ADAM32: variants seen among roughly 807,000 people sequenced by gnomAD.
The protein encoded by ADAM32 is disintegrin and metalloproteinase domain-containing protein 32.
ADAM32 carries 89 observed loss-of-function variants against 114.9 expected under a neutral mutation model. That is an observed-to-expected ratio of 0.77 (90% CI 0.65 to 0.92). The LOEUF is 0.92. ADAM32 is among the 40% of genes least tolerant of loss of function. ADAM32 has a pLI of 0.00. For missense variants in ADAM32, 870 were observed against 932.8 expected (o/e 0.93, Z 0.88); for synonymous variants, 285 against 307.5 (o/e 0.93, Z 0.77).
At chr8:39,220,173 CT>C (rs1263060338) in intron 12 of ADAM32, among the ~76,000 whole-genome samples, 3 of 152,112 alleles carry the variant, frequency 2.0e-5, no homozygotes, top group Non-Finnish European at 2.9e-5. Flanking sequence ...TTGAATTGAA[CT>C]CTTTATCATT....
At chr8:39,129,304 T>G (rs1325463287) in intron 2 of ADAM32, among the ~76,000 whole-genome samples, 1 of 152,184 alleles carries the variant, frequency 6.6e-6, no homozygotes, top group East Asian at 1.9e-4. Context: ...GAGAAAGTAC[T>G]CAGTCTTTTA....
chr8:39,250,575 C>A (rs1350228270), intron 17 of ADAM32, among the ~76,000 whole-genome samples: 1 of 151,512 alleles, frequency 6.6e-6, no homozygotes, highest in Non-Finnish European at 1.5e-5. Context: ...AATAGTTGTA[C>A]CTGTTGTGGG....
intron 19 of ADAM32, 106 bp from the exon 20 acceptor site, chr8:39,270,770 T>C (rs1461789419): frequency 1.2e-6 from 1 of 817,512 alleles, no homozygotes; most frequent in Middle Eastern, 2.3e-4. Flanking sequence ...TTTTAATAAT[T>C]AGTCTTATAA....
intron 12 of ADAM32, among the ~76,000 whole-genome samples, chr8:39,216,013 T>C (rs1042340380): frequency 2.4e-4 from 36 of 152,082 alleles, no homozygotes; most frequent in African/African-American, 7.7e-4. Flanking sequence ...AGTCTCCAGC[T>C]GTTATTGTAT....
chr8:39,203,786 T>C (rs1478038745), intron 11 of ADAM32, among the ~76,000 whole-genome samples: 3 of 152,222 alleles, frequency 2.0e-5, no homozygotes, highest in African/African-American at 4.8e-5. Context: ...TTCCTTTCCA[T>C]GTTTAGTGCT....
intron 17 of ADAM32, among the ~76,000 whole-genome samples, chr8:39,251,494 G>T (rs1811305815): frequency 6.6e-6 from 1 of 151,522 alleles, no homozygotes; most frequent in African/African-American, 2.4e-5. Context: ...ATACCTGTTG[G>T]CCATTTGTTT....
intron 11 of ADAM32, among the ~76,000 whole-genome samples, chr8:39,190,615 G>A (rs73606731): frequency 2.7e-3 from 411 of 152,200 alleles, no homozygotes; most frequent in African/African-American, 9.4e-3. Context: ...ATCTCATGGC[G>A]GTGTTGATTT....
At position 39,186,904 on chromosome 8, in the gene ADAM32, T is replaced by A. The variant is rs1400886758; in HGVS notation, c.916-5T>A. 1.3e-6 allele frequency: 2 copies of A among 1,582,798 alleles called. No individual in the cohort carries two copies. The highest frequency in any genetic ancestry group is 1.7e-6 in the Non-Finnish European group (2 of 1,167,830). On this transcript the variant is annotated splice_region_variant and splice_polypyrimidine_tract_variant and intron_variant, in intron 10 of 24. Transcript: ENST00000379907. The stretch of plus-strand genomic sequence containing the variant: ...TCCTTAGAATTTTCTTTGTTGTTAT[T>A]ATAGTACCCCAAGGAGATAACTCTG...
intron 19 of ADAM32, among the ~76,000 whole-genome samples, chr8:39,268,810 A>T (rs1235909794): frequency 1.3e-5 from 2 of 152,220 alleles, no homozygotes; most frequent in South Asian, 2.1e-4. Context: ...AAAATTTTTA[A>T]TTATTCTTAC....
chr8:39,256,284 T>TCAA (rs1349930422), intron 18 of ADAM32, among the ~76,000 whole-genome samples: 1 of 152,036 alleles, frequency 6.6e-6, no homozygotes, highest in Non-Finnish European at 1.5e-5. Context: ...CAACCTCTCT[T>TCAA]CCTCAGCTTT....
At position 39,126,849 on chromosome 8, in the gene ADAM32, A is replaced by G. The variant is rs187444637; in HGVS notation, c.138+8684A>G. ...TTATTTTGAGGTATGTTCTTTCAATACCTAGTTTACTGAGGGTTTTTAACA... is the reference window on the plus strand; with the variant it reads ...TTATTTTGAGGTATGTTCTTTCAATGCCTAGTTTACTGAGGGTTTTTAACA... On this transcript the variant is annotated intron_variant, in intron 2 of 24. Transcript: ENST00000379907. Among the ~76,000 whole-genome samples, 11 of 152,240 alleles carry G rather than the reference A, an allele frequency of 7.2e-5. No individual in the cohort carries two copies. The East Asian group carries it at 2.1e-3, about 29-fold the overall frequency.
Position 39,164,932 on chromosome 8 carries a change from A to G in ADAM32, c.666+97A>G, listed in dbSNP as rs897180762. On this transcript the variant is annotated intron_variant, in intron 8 of 24. Transcript: ENST00000379907. ...ATTCCTGGATAATTAACCCACCCAT[A>G]TAAACTGAGTGTGGGATTGTAAAAA... 5.3e-6 allele frequency: 8 copies of G among 1,498,466 alleles called. No individual in the cohort carries two copies. The East Asian group carries it at 1.4e-4, about 26-fold the overall frequency. 92.8% of individuals were successfully genotyped at this position (1,498,466 alleles called of 1,614,324 possible). A position where few individuals can be genotyped will look rare whatever the true frequency, so the allele number is the denominator to read the frequency against.
At chr8:39,198,289 C>T (rs1036121841) in intron 11 of ADAM32, among the ~76,000 whole-genome samples, 1 of 151,952 alleles carries the variant, frequency 6.6e-6, no homozygotes, top group African/African-American at 2.4e-5. Flanking sequence ...AAATTTAAGC[C>T]ATTTACATTT....
At position 39,274,359 on chromosome 8, in the gene ADAM32, G is replaced by T. The variant is rs768286233; in HGVS notation, c.2240+9G>T. The T allele has an allele frequency of 6.2e-7, 1 of 1,610,446 alleles. No homozygotes were observed. The highest frequency in any genetic ancestry group is 1.3e-5 in the African/African-American group (1 of 74,768). On this transcript the variant is annotated intron_variant, in intron 21 of 24. Coordinates refer to ENST00000379907, the MANE Select transcript of ADAM32 (RefSeq NM_145004.7). ...CAGACATATGCCAGCCAGTAAGTAG[G>T]TTAGAAGAGGTTTTTAAGATACATG... is the stretch of plus-strand genomic sequence containing the variant.
At chr8:39,275,647 G>T (rs1272817512) in intron 21 of ADAM32, among the ~76,000 whole-genome samples, 181 bp from the exon 22 acceptor site, 2 of 152,164 alleles carry the variant, frequency 1.3e-5, no homozygotes, top group African/African-American at 4.8e-5. Flanking sequence ...CATTGTATAT[G>T]AATAAATAAA....
At chr8:39,148,638 C>T (rs1803649873) in intron 4 of ADAM32, among the ~76,000 whole-genome samples, 1 of 152,068 alleles carries the variant, frequency 6.6e-6, no homozygotes, top group Admixed American at 6.6e-5. Context: ...ACACCAGTGC[C>T]TAGAAAAGTG....
At chr8:39,251,714 T>C (rs1811320309) in intron 17 of ADAM32, among the ~76,000 whole-genome samples, 1 of 151,936 alleles carries the variant, frequency 6.6e-6, no homozygotes, top group South Asian at 2.1e-4. Flanking sequence ...AGAAGCTTTT[T>C]AGCTTGGTGT....
chr8:39,243,760 G>A (rs926300250), intron 16 of ADAM32, among the ~76,000 whole-genome samples: 1 of 151,972 alleles, frequency 6.6e-6, no homozygotes, highest in African/African-American at 2.4e-5. Context: ...ATTCAACATA[G>A]TACTGGAGGT....
intron 11 of ADAM32, among the ~76,000 whole-genome samples, chr8:39,202,237 G>A (rs1041442640): frequency 6.6e-6 from 1 of 152,142 alleles, no homozygotes; most frequent in African/African-American, 2.4e-5. Flanking sequence ...GTAGAATTTG[G>A]CTGTGAATCC....
Sources: gnomAD v4.1 joint callset for allele counts (sites outside exome capture counted in the v4.1 genomes callset) on GRCh38, gnomAD v4.1.1 for gene constraint, MANE v1.5 for transcripts, NCBI Gene and HGNC (gene_info 2026-07-23, HGNC 2026-07-21) for gene names.